The following PVT1 variants were observed in gnomAD, a reference collection of about 807,000 sequenced individuals.
PVT1 encodes the protein Pvt1 oncogene, also known as CXCR4/PVT1 fusion.
At chr8:127,963,944 G>C (rs146575872) in intron 3 of PVT1, among the ~76,000 whole-genome samples, 287 of 152,294 alleles carry the variant, frequency 1.9e-3, no homozygotes, top group African/African-American at 6.8e-3. Context: ...TTCTAGGATC[G>C]TTTATTCGTC....
chr8:127,987,255 C>T (rs1202889658), intron 3 of PVT1, among the ~76,000 whole-genome samples: 1 of 152,200 alleles, frequency 6.6e-6, no homozygotes, highest in African/African-American at 2.4e-5. Flanking sequence ...CTCATTTAAT[C>T]CTGTCAGCGC....
At chr8:128,031,727 C>A (rs918158237) in intron 4 of PVT1, among the ~76,000 whole-genome samples, 1 of 151,676 alleles carries the variant, frequency 6.6e-6, no homozygotes, top group African/African-American at 2.4e-5. Flanking sequence ...TATATTAATT[C>A]ATTTAATCTT....
At chr8:128,003,465 C>T (rs1432312859) in intron 4 of PVT1, among the ~76,000 whole-genome samples, 1 of 152,078 alleles carries the variant, frequency 6.6e-6, no homozygotes, top group Non-Finnish European at 1.5e-5. Flanking sequence ...CTCTCCTCAG[C>T]CTCCCAAGTA....
rs547936594 is a variant in PVT1 at position 128,000,676 on chromosome 8, G to A, written n.912+11385G>A. The stretch of plus-strand genomic sequence containing the variant: ...TCCTGTGCCTGACAGTGTCACCGTA[G>A]CAATACTTTCCTGGCAGCAGGACTT... On this transcript the variant is annotated intron_variant and non_coding_transcript_variant, in intron 4 of 10. Transcript: ENST00000651587. Among the ~76,000 whole-genome samples the A allele has an allele frequency of 4.5e-4, 69 of 152,338 alleles. 2 individuals are homozygous for A. The highest frequency in any genetic ancestry group is 3.5e-3 in the Admixed American group (54 of 15,308).
At chr8:127,984,413 G>A (rs891716242) in intron 3 of PVT1, among the ~76,000 whole-genome samples, 4 of 152,180 alleles carry the variant, frequency 2.6e-5, no homozygotes, top group Admixed American at 6.5e-5. Flanking sequence ...GCAGAGCTAG[G>A]ATTCAAATCC....
chr8:127,964,868 C>G (rs1816687101), intron 3 of PVT1, among the ~76,000 whole-genome samples: 1 of 151,988 alleles, frequency 6.6e-6, no homozygotes, highest in Non-Finnish European at 1.5e-5. Context: ...ACCATGTTCC[C>G]CTTGCAGCTC....
At chr8:128,061,854 A>C (rs187143431) in intron 4 of PVT1, among the ~76,000 whole-genome samples, 2 of 152,358 alleles carry the variant, frequency 1.3e-5, no homozygotes, top group East Asian at 3.9e-4. Flanking sequence ...TTTATTTACA[A>C]ATTGAGCATT....
chr8:127,980,812 G>A (rs926312514), intron 3 of PVT1, among the ~76,000 whole-genome samples: 1 of 52,224 alleles, frequency 1.9e-5, no homozygotes, highest in African/African-American at 7.3e-5. Flanking sequence ...TTTTTTTTTT[G>A]TTTGAGACAG....
intron 2 of PVT1, among the ~76,000 whole-genome samples, chr8:127,797,172 A>G (rs1814406922): frequency 6.6e-6 from 1 of 151,702 alleles, no homozygotes; most frequent in African/African-American, 2.4e-5. Context: ...TGCTGGGATT[A>G]CAGGCATGGA....
chr8:128,035,031 C>T (rs1239544190), intron 4 of PVT1, among the ~76,000 whole-genome samples: 2 of 152,186 alleles, frequency 1.3e-5, no homozygotes, highest in Non-Finnish European at 2.9e-5. Context: ...AGCAACTGTT[C>T]ATAGTATCAC....
At chr8:128,000,820 C>T (rs888582028) in intron 4 of PVT1, among the ~76,000 whole-genome samples, 1 of 152,216 alleles carries the variant, frequency 6.6e-6, no homozygotes, top group Non-Finnish European at 1.5e-5. Flanking sequence ...TGGAGCTCTG[C>T]AAGGTCCTCC....
intron 4 of PVT1, among the ~76,000 whole-genome samples, chr8:128,035,933 C>T (rs777566907): frequency 3.3e-5 from 5 of 152,212 alleles, no homozygotes; most frequent in Non-Finnish European, 7.3e-5. Context: ...CTTTTAGTTC[C>T]TTATGACTTA....
chr8:127,997,043 C>CGG (rs201294706), intron 4 of PVT1, among the ~76,000 whole-genome samples: 1 of 54,662 alleles, frequency 1.8e-5, no homozygotes, highest in East Asian at 6.2e-4. Context: ...CATTTGCTTT[C>CGG]GTTTTTTTTT....
At chr8:128,061,236 C>G (rs928984778) in intron 4 of PVT1, among the ~76,000 whole-genome samples, 3 of 152,134 alleles carry the variant, frequency 2.0e-5, no homozygotes, top group African/African-American at 2.4e-5. Flanking sequence ...AGACGTTTCA[C>G]GTAAATGGAA....
At chr8:127,917,721 G>A (rs751272609) in intron 3 of PVT1, among the ~76,000 whole-genome samples, 14 of 152,240 alleles carry the variant, frequency 9.2e-5, no homozygotes, top group Non-Finnish European at 1.6e-4. Flanking sequence ...GCCCCAACGC[G>A]CCTACAGCCC....
At chr8:127,885,658 G>C (rs1427693246) in intron 2 of PVT1, among the ~76,000 whole-genome samples, 1 of 152,130 alleles carries the variant, frequency 6.6e-6, no homozygotes, top group African/African-American at 2.4e-5. Flanking sequence ...GAATTTAGGG[G>C]TCGGGGGTGT....
At chr8:128,078,070 G>A (rs964717862) in intron 5 of PVT1, among the ~76,000 whole-genome samples, 3 of 152,198 alleles carry the variant, frequency 2.0e-5, no homozygotes, top group African/African-American at 7.2e-5. Context: ...AGGCTTGCTG[G>A]TGGAGCTTCA....
chr8:127,869,196 G>C (rs10808559), intron 2 of PVT1, among the ~76,000 whole-genome samples: 2 of 151,854 alleles, frequency 1.3e-5, no homozygotes, highest in Admixed American at 1.3e-4. Context: ...AATGGCATGA[G>C]TTCGGCTCAC....
intron 2 of PVT1, among the ~76,000 whole-genome samples, chr8:127,849,744 ATGTG>A (rs1204388063): frequency 5.2e-5 from 6 of 114,436 alleles, no homozygotes; most frequent in South Asian, 3.2e-4. Context: ...GCCTGTACAT[ATGTG>A]TGTGTGTGCC....
Sources: allele counts gnomAD v4.1 joint callset (sites outside exome capture counted in the v4.1 genomes callset), GRCh38; gene constraint gnomAD v4.1.1; transcripts MANE v1.5; gene names NCBI Gene and HGNC (gene_info 2026-07-23, HGNC 2026-07-21).